Variants in ZBTB8A observed in about 807,000 individuals in gnomAD.
The protein encoded by ZBTB8A is zinc finger and BTB domain-containing protein 8A.
Under a neutral mutation model 37.8 loss-of-function variants are expected in ZBTB8A, and 19 were observed. The observed-to-expected ratio is 0.50, with a 90% CI of 0.35 to 0.74. The LOEUF is 0.74. Ranked by LOEUF, ZBTB8A falls within the 30% of genes least tolerant of loss-of-function variation. The pLI is 0.01. For missense variants in ZBTB8A, 394 were observed against 537.8 expected (o/e 0.73, Z 2.65); for synonymous variants, 181 against 185.2 (o/e 0.98, Z 0.19).
At chr1:32,567,128 C>T (rs1334960611) in intron 2 of ZBTB8A, among the ~76,000 whole-genome samples, 9 of 152,112 alleles carry the variant, frequency 5.9e-5, no homozygotes, top group African/African-American at 2.2e-4. Context: ...CATGACTGGG[C>T]AGGCCTCAGG....
At chr1:32,576,091 T>G (rs1177684193) in intron 2 of ZBTB8A, among the ~76,000 whole-genome samples, 1 of 152,204 alleles carries the variant, frequency 6.6e-6, no homozygotes, top group Non-Finnish European at 1.5e-5. Flanking sequence ...CCTACCTGCT[T>G]TTGTAAATAA....
At chr1:32,595,323 A>G (rs376956350) in intron 4 of ZBTB8A, 100 bp downstream of exon 4, 3 of 1,220,766 alleles carry the variant, frequency 2.5e-6, no homozygotes, top group African/African-American at 1.5e-5. Flanking sequence ...GCTGGAGTAC[A>G]ATGGTGTAAT....
At chr1:32,569,456 C>T (rs1406623320) in intron 2 of ZBTB8A, among the ~76,000 whole-genome samples, 3 of 130,632 alleles carry the variant, frequency 2.3e-5, no homozygotes, top group East Asian at 4.5e-4. Flanking sequence ...TGCAGTGATG[C>T]GATCTCAGCT....
intron 2 of ZBTB8A, among the ~76,000 whole-genome samples, chr1:32,578,614 C>A (rs1644380809): frequency 6.6e-6 from 1 of 152,020 alleles, no homozygotes; most frequent in South Asian, 2.1e-4. Context: ...TTACATCCTT[C>A]TTTGCTAACT....
rs577135534 is a variant in ZBTB8A at position 32,580,259 on chromosome 1, T to A, written c.-1-12672T>A. Among the ~76,000 whole-genome samples, 4 of 152,076 alleles carry A rather than the reference T, an allele frequency of 2.6e-5. No individual in the cohort carries two copies. In the South Asian group the frequency reaches 8.3e-4, roughly 32 times the overall value. ...AAAACAAAAACAAAAAAAATTTTTT[T>A]AAAGAGAGCATTGACTGGGCACAGT... On this transcript the variant is annotated intron_variant, in intron 2 of 4. Transcript: ENST00000373510.
At chr1:32,585,027 CTTTTTTTTT>C (rs1163697499) in intron 2 of ZBTB8A, among the ~76,000 whole-genome samples, 1 of 105,620 alleles carries the variant, frequency 9.5e-6, no homozygotes, top group Non-Finnish European at 1.9e-5. Context: ...TTTCAGATTT[CTTTTTTTTT>C]TTTTTTTTTT....
intron 2 of ZBTB8A, among the ~76,000 whole-genome samples, chr1:32,575,729 G>C (rs1287869037): frequency 6.6e-6 from 1 of 151,688 alleles, no homozygotes; most frequent in Non-Finnish European, 1.5e-5. Flanking sequence ...GTGGTCTCCT[G>C]TAGTCCCAGC....
chr1:32,598,223 A>ATTTTTTTTTTTTT (rs762801492), intron 4 of ZBTB8A, among the ~76,000 whole-genome samples: 1 of 86,020 alleles, frequency 1.2e-5, no homozygotes, highest in African/African-American at 4.9e-5. Flanking sequence ...GCTTTCTTGG[A>ATTTTTTTTTTTTT]TTTTTTTTTT....
chr1:32,555,362 C>G (rs1440559376), intron 2 of ZBTB8A, among the ~76,000 whole-genome samples: 1 of 152,072 alleles, frequency 6.6e-6, no homozygotes, highest in Non-Finnish European at 1.5e-5. Flanking sequence ...GCACTCCAGC[C>G]TGGGCGACAG....
intron 2 of ZBTB8A, among the ~76,000 whole-genome samples, chr1:32,591,466 G>A (rs1644487719): frequency 1.3e-5 from 2 of 152,070 alleles, no homozygotes; most frequent in African/African-American, 4.8e-5. Flanking sequence ...CTGTCCTCCT[G>A]CCTCTGACTC....
chr1:32,553,083 G>A (rs565850199), intron 1 of ZBTB8A, among the ~76,000 whole-genome samples: 6 of 147,682 alleles, frequency 4.1e-5, no homozygotes, highest in African/African-American at 7.5e-5. Flanking sequence ...TTTTTGAGAC[G>A]AAGTCTTGCT....
intron 1 of ZBTB8A, among the ~76,000 whole-genome samples, chr1:32,542,986 A>G (rs923503391): frequency 2.6e-5 from 4 of 151,214 alleles, no homozygotes; most frequent in African/African-American, 9.7e-5. Context: ...TGATGACTCA[A>G]GAGTACTACT....
intron 2 of ZBTB8A, among the ~76,000 whole-genome samples, chr1:32,571,151 C>T (rs1423290023): frequency 1.3e-5 from 2 of 152,350 alleles, no homozygotes; most frequent in Non-Finnish European, 1.5e-5. Flanking sequence ...GCTGGGATTA[C>T]AGGCGTGAGC....
rs1451405588 is a variant in ZBTB8A at position 32,600,971 on chromosome 1, A to T, written c.*552A>T. 2.0e-5 allele frequency: 3 copies of T among 152,364 alleles called. No individual in the cohort carries two copies. The highest frequency in any genetic ancestry group is 4.4e-5 in the Non-Finnish European group (3 of 68,224). 9.4% of individuals were successfully genotyped at this position (152,364 alleles called of 1,614,324 possible). On this transcript the variant is annotated 3_prime_UTR_variant, in exon 5 of 5. Transcript: ENST00000373510. ...ACTCTGATATCCTGAACGTTTAAGG[A>T]TTATGGAAGAAGACTAAAGTGTTTG... is the stretch of plus-strand genomic sequence containing the variant.
At chr1:32,560,615 C>CTTTTTTTTTTTTTTTTT (rs1170510859) in intron 2 of ZBTB8A, among the ~76,000 whole-genome samples, 9 of 90,808 alleles carry the variant, frequency 9.9e-5, no homozygotes, top group South Asian at 4.2e-4. Flanking sequence ...TCTTTTCTTT[C>CTTTTTTTTTTTTTTTTT]TTTTTTTTTT....
In ZBTB8A at chr1:32,593,415, C is replaced by T. The variant is rs1454097289; in HGVS notation, c.484C>T (p.Pro162Ser). The T allele has an allele frequency of 6.2e-7, 1 of 1,613,998 alleles. No homozygotes were observed. Among genetic ancestry groups the T allele is most frequent in the Non-Finnish European group, 8.5e-7 (1 of 1,180,032 alleles). Residue 162 changes from proline to serine, a missense_variant, in exon 3 of 5, where the codon CCA becomes TCA. Pro to Ser is a moderately conservative substitution (Grantham distance 74, BLOSUM62 -1). Transcript: ENST00000373510. The stretch of plus-strand genomic sequence containing the variant: ...TGGCTGGCAAGAAGGAAGCAGTTCT[C>T]CACGTTCTCACCTAAGCCCAGAGCA... The part of the protein sequence containing the change: ...SGGWQEGSSS[P>S]RSHLSPEQGT...
chr1:32,560,703 G>C (rs1346400905), intron 2 of ZBTB8A, among the ~76,000 whole-genome samples: 1 of 139,316 alleles, frequency 7.2e-6, no homozygotes, highest in Non-Finnish European at 1.5e-5. Flanking sequence ...GTTCATTGCA[G>C]CCTCTGCCTA....
At chr1:32,580,565 A>G (rs1230678627) in intron 2 of ZBTB8A, among the ~76,000 whole-genome samples, 1 of 151,672 alleles carries the variant, frequency 6.6e-6, no homozygotes, top group Non-Finnish European at 1.5e-5. Context: ...AAAAAAAAAG[A>G]GAATTTTCAG....
In ZBTB8A at chr1:32,541,165, G is replaced by GA. The variant is rs1048506344; in HGVS notation, c.-84+1595dup. On this transcript the variant is annotated intron_variant, in intron 1 of 4. Transcript: ENST00000373510. The stretch of plus-strand genomic sequence containing the variant: ...TTTGATGTGTTTGATTCCCTTGAAT[G>GA]AAGCTTTTGCCACTTTTCTGCTCAA... Among the ~76,000 whole-genome samples the GA allele has an allele frequency of 3.9e-5, 6 of 152,210 alleles. No individual in the cohort carries two copies. The South Asian group carries it at 1.2e-3, about 31-fold the overall frequency.
Sources: allele counts gnomAD v4.1 joint callset (sites outside exome capture counted in the v4.1 genomes callset), GRCh38; gene constraint gnomAD v4.1.1; transcripts MANE v1.5; gene names NCBI Gene and HGNC (gene_info 2026-07-23, HGNC 2026-07-21).